DCC: variants seen among roughly 807,000 people sequenced by gnomAD.
The protein encoded by DCC is netrin receptor DCC.
In DCC, 58 loss-of-function variants were observed where a neutral mutation model predicts 172.5. The ratio of observed to expected loss-of-function variants is 0.34; its 90% confidence interval spans 0.27 to 0.42. DCC has a LOEUF of 0.42. DCC is among the 10% of genes least tolerant of loss of function. DCC has a pLI of 1.00. For missense variants in DCC, 1,740 were observed against 1,791.0 expected, an observed-to-expected ratio of 0.97 and a Z score of 0.51; for synonymous variants, 709 against 644.5, an observed-to-expected ratio of 1.10 and a Z score of -1.52.
intron 7 of DCC, among the ~76,000 whole-genome samples, chr18:53,136,898 A>G (rs1568325926): frequency 6.6e-6 from 1 of 152,192 alleles, no homozygotes; most frequent in Non-Finnish European, 1.5e-5. Context: ...GGAACTTCAT[A>G]TTTCTCAGAA....
At chr18:53,046,708 T>C (rs1238937557) in intron 5 of DCC, among the ~76,000 whole-genome samples, 2 of 151,946 alleles carry the variant, frequency 1.3e-5, no homozygotes, top group East Asian at 1.9e-4. Flanking sequence ...AACTTCTCAA[T>C]TTACAAAGTA....
At chr18:53,186,177 A>T (rs574406025) in intron 9 of DCC, among the ~76,000 whole-genome samples, 1 of 152,198 alleles carries the variant, frequency 6.6e-6, no homozygotes, top group Non-Finnish European at 1.5e-5. Flanking sequence ...TATCTGCTTC[A>T]TGAGAAATTG....
At chr18:53,386,905 C>G (rs1468296864) in intron 16 of DCC, among the ~76,000 whole-genome samples, 1 of 152,146 alleles carries the variant, frequency 6.6e-6, no homozygotes, top group African/African-American at 2.4e-5. Flanking sequence ...TTCAGAGTCC[C>G]TGGAAAGTCA....
At chr18:52,361,485 A>G (rs576311313) in intron 1 of DCC, among the ~76,000 whole-genome samples, 17 of 152,344 alleles carry the variant, frequency 1.1e-4, no homozygotes, top group Admixed American at 9.8e-4. Context: ...TGAGATGAGA[A>G]TTGTCTCTAT....
intron 7 of DCC, among the ~76,000 whole-genome samples, chr18:53,154,338 T>G (rs566862033): frequency 2.6e-5 from 4 of 152,134 alleles, no homozygotes; most frequent in Admixed American, 2.6e-4. Flanking sequence ...CTCCCAAATG[T>G]AGTACTTGAA....
intron 5 of DCC, among the ~76,000 whole-genome samples, chr18:53,010,970 A>G (rs2041721789): frequency 6.6e-6 from 1 of 151,242 alleles, no homozygotes; most frequent in Non-Finnish European, 1.5e-5. Context: ...CTTCATTTTA[A>G]TTGCTTATTT....
chr18:52,497,295 A>G (rs373051826), intron 1 of DCC, among the ~76,000 whole-genome samples: 839 of 54,550 alleles, frequency 0.015, 105 homozygotes, highest in African/African-American at 0.04. Context: ...ATATATATAT[A>G]TATATATATA....
chr18:53,260,383 T>G (rs945881050), intron 12 of DCC, among the ~76,000 whole-genome samples: 1 of 152,174 alleles, frequency 6.6e-6, no homozygotes, highest in Non-Finnish European at 1.5e-5. Flanking sequence ...GGGGTTTTGG[T>G]GTGGATGTCC....
chr18:53,146,234 T>G (rs992970701), intron 7 of DCC, among the ~76,000 whole-genome samples: 1 of 151,688 alleles, frequency 6.6e-6, no homozygotes, highest in Non-Finnish European at 1.5e-5. Context: ...AAAATAAAAA[T>G]AAAATAAAAC....
chr18:53,503,933 T>C (rs1313006350), intron 27 of DCC, among the ~76,000 whole-genome samples: 1 of 152,232 alleles, frequency 6.6e-6, no homozygotes, highest in Non-Finnish European at 1.5e-5. Context: ...AAGGGATCAA[T>C]ATGTCAGTGG....
chr18:52,589,792 T>C (rs1354224390), intron 1 of DCC, among the ~76,000 whole-genome samples: 2 of 152,186 alleles, frequency 1.3e-5, no homozygotes, highest in South Asian at 2.1e-4. Flanking sequence ...GGGACTTATA[T>C]GTGGAATTAA....
In DCC at chr18:53,206,050, T is replaced by C. The variant is rs531930616; in HGVS notation, c.1722+686T>C. 8.1e-3 allele frequency among the ~76,000 whole-genome samples: 255 copies of C among 31,388 alleles called. 1 individual carries two copies. Among genetic ancestry groups the C allele is most frequent in the African/African-American group, 0.033 (250 of 7,648 alleles). 20.6% of individuals were successfully genotyped at this position (31,388 alleles called of 152,430 possible). On this transcript the variant is annotated intron_variant, in intron 10 of 28. Transcript: ENST00000442544. ...TTCATATATATGTGTATATATAATA[T>C]GTATACCTATATAATACATATATAT...
At chr18:52,814,883 G>A (rs980057424) in intron 2 of DCC, among the ~76,000 whole-genome samples, 1 of 152,148 alleles carries the variant, frequency 6.6e-6, no homozygotes, top group African/African-American at 2.4e-5. Context: ...TACAGTGAGT[G>A]ATTAGGACCC....
chr18:52,407,586 A>G (rs1475286447), intron 1 of DCC, among the ~76,000 whole-genome samples: 2 of 151,998 alleles, frequency 1.3e-5, no homozygotes, highest in East Asian at 3.9e-4. Context: ...TTTCAATTAG[A>G]TTGAAAAAAA....
chr18:52,815,039 G>C (rs1389239565), intron 2 of DCC, among the ~76,000 whole-genome samples: 4 of 152,056 alleles, frequency 2.6e-5, no homozygotes, highest in Non-Finnish European at 5.9e-5. Flanking sequence ...TGGGCAACAA[G>C]AAAAAATAGG....
At chr18:52,724,433 G>A (rs189232515) in intron 1 of DCC, among the ~76,000 whole-genome samples, 1 of 152,238 alleles carries the variant, frequency 6.6e-6, no homozygotes, top group East Asian at 1.9e-4. Context: ...ACAGGTGTGA[G>A]TCATTGTGCC....
At chr18:53,414,127 G>A (rs1160383698) in intron 20 of DCC, among the ~76,000 whole-genome samples, 1 of 152,032 alleles carries the variant, frequency 6.6e-6, no homozygotes, top group Non-Finnish European at 1.5e-5. Context: ...TTAAATGGCT[G>A]GTAAACCTTT....
In DCC at chr18:53,486,107, T is replaced by C. The variant is rs2339741; in HGVS notation, c.3737-690T>C. Among the ~76,000 whole-genome samples the C allele has an allele frequency of 3.6e-3, 549 of 152,212 alleles. 6 individuals are homozygous for C. The highest frequency in any genetic ancestry group is 0.012 in the African/African-American group (518 of 41,564). On this transcript the variant is annotated intron_variant, in intron 25 of 28. Transcript: ENST00000442544. ...AATATATATTATAATTGAATAGCTATTGAATAATGAAATTGAACAATACTA... is the reference window on the plus strand; with the variant it reads ...AATATATATTATAATTGAATAGCTACTGAATAATGAAATTGAACAATACTA...
intron 27 of DCC, among the ~76,000 whole-genome samples, chr18:53,501,826 AT>A (rs1254909320): frequency 3.9e-5 from 6 of 152,128 alleles, no homozygotes; most frequent in Admixed American, 6.5e-5. Context: ...AAAGGATACA[AT>A]TTTTTTTAAA....
Sources: gnomAD v4.1 joint callset for allele counts (sites outside exome capture counted in the v4.1 genomes callset) on GRCh38, gnomAD v4.1.1 for gene constraint, MANE v1.5 for transcripts, NCBI Gene and HGNC (gene_info 2026-07-23, HGNC 2026-07-21) for gene names.